The following PID1 variants were observed in gnomAD, a reference collection of about 807,000 sequenced individuals.
PID1 encodes the protein phosphotyrosine interaction domain containing 1, also known as PTB-containing, cubilin and LRP1-interacting protein.
Under a neutral mutation model 19.1 loss-of-function variants are expected in PID1, and 10 were observed. That is an observed-to-expected ratio of 0.52 (90% CI 0.32 to 0.89). PID1 has a LOEUF of 0.89. Ranked by LOEUF, PID1 falls within the 40% of genes least tolerant of loss-of-function variation. The probability of loss-of-function intolerance (pLI) is 0.03; values close to 1 mark genes in which losing one functional copy is unlikely to be tolerated. For synonymous variants in PID1, 130 were observed against 116.0 expected (o/e 1.12, Z -0.78); for missense variants, 248 against 285.3 (o/e 0.87, Z 0.94).
In PID1 at chr2:229,143,363, A is replaced by T. The variant is rs576928833; in HGVS notation, c.177+12455T>A. ...AAGTATAATAATAATAAAATTTTTTAAAAAACTGATATTTTGACCTAATCT... is the reference window on the plus strand; with the variant it reads ...AAGTATAATAATAATAAAATTTTTTTAAAAACTGATATTTTGACCTAATCT... On this transcript the variant is annotated intron_variant, in intron 2 of 2. Coordinates refer to ENST00000392055, the MANE Select transcript of PID1 (RefSeq NM_001100818.2). 3.8e-4 allele frequency among the ~76,000 whole-genome samples: 58 copies of T among 152,250 alleles called. No homozygotes were observed. In the South Asian group the frequency reaches 3.9e-3, roughly 10 times the overall value.
chr2:229,134,322 T>C (rs13000113), intron 2 of PID1, among the ~76,000 whole-genome samples: 117,712 of 147,980 alleles, frequency 0.8, 46,914 homozygotes, highest in East Asian at 1. Flanking sequence ...TCACTGCAAC[T>C]TCTGCCTCCC....
intron 2 of PID1, among the ~76,000 whole-genome samples, chr2:229,046,939 T>C (rs916109582): frequency 1.3e-5 from 2 of 152,182 alleles, no homozygotes; most frequent in African/African-American, 4.8e-5. Flanking sequence ...TGAATCACTC[T>C]CAGTTTATGT....
intron 2 of PID1, among the ~76,000 whole-genome samples, chr2:229,130,348 G>A (rs533615555): frequency 2.6e-5 from 4 of 152,194 alleles, no homozygotes; most frequent in Non-Finnish European, 5.9e-5. Context: ...GAAGCTTGGC[G>A]CAAAGTGATG....
intron 1 of PID1, among the ~76,000 whole-genome samples, chr2:229,250,474 A>T (rs1233965382): frequency 1.3e-5 from 2 of 152,250 alleles, no homozygotes; most frequent in Non-Finnish European, 2.9e-5. Flanking sequence ...AACCACAGGA[A>T]AAAAGCACAA....
intron 1 of PID1, among the ~76,000 whole-genome samples, chr2:229,180,458 G>T (rs1165898984): frequency 6.6e-6 from 1 of 152,140 alleles, no homozygotes; most frequent in African/African-American, 2.4e-5. Flanking sequence ...ATGTAACTAA[G>T]AAAAAGATTT....
intron 2 of PID1, among the ~76,000 whole-genome samples, chr2:229,058,305 G>A (rs551065572): frequency 2.0e-4 from 30 of 152,340 alleles, no homozygotes; most frequent in African/African-American, 6.3e-4. Context: ...CTGAAAAGGA[G>A]AGAAGAGATG....
chr2:229,166,278 G>C (rs1044868709), intron 1 of PID1, among the ~76,000 whole-genome samples: 1 of 152,184 alleles, frequency 6.6e-6, no homozygotes, highest in Non-Finnish European at 1.5e-5. Context: ...TAGTGACTGA[G>C]AGGAGATCAG....
At chr2:229,191,267 C>G (rs1691255314) in intron 1 of PID1, among the ~76,000 whole-genome samples, 1 of 152,092 alleles carries the variant, frequency 6.6e-6, no homozygotes, top group Non-Finnish European at 1.5e-5. Context: ...CGATGGAGAA[C>G]AAGTGGGCTA....
intron 2 of PID1, among the ~76,000 whole-genome samples, chr2:229,136,697 G>C (rs969997500): frequency 1.3e-5 from 2 of 152,100 alleles, no homozygotes; most frequent in African/African-American, 4.8e-5. Context: ...CTATTGACTA[G>C]TTATCCAGAA....
At chr2:229,082,984 C>T (rs1386287155) in intron 2 of PID1, among the ~76,000 whole-genome samples, 12 of 152,040 alleles carry the variant, frequency 7.9e-5, no homozygotes, top group Admixed American at 1.3e-4. Context: ...CATAAATTGA[C>T]GGACATAAAG....
At position 229,208,201 on chromosome 2, in the gene PID1, C is replaced by T. The variant is rs141762115; in HGVS notation, c.31-52237G>A. Among the ~76,000 whole-genome samples, 371 of 152,262 alleles carry T rather than the reference C, an allele frequency of 2.4e-3. 3 individuals carry two copies. Among genetic ancestry groups the T allele is most frequent in the African/African-American group, 8.3e-3 (343 of 41,538 alleles). On this transcript the variant is annotated intron_variant, in intron 1 of 2. Coordinates refer to ENST00000392055, the MANE Select transcript of PID1 (RefSeq NM_001100818.2). ...CAGATCCTAGCTTTCTCTGATACTT[C>T]GTTGCAAAATAGAAGAGCAAGTGCC... is the stretch of plus-strand genomic sequence containing the variant.
rs1280454034 is a variant in PID1 at position 229,024,395 on chromosome 2, T to A, written c.*1237A>T. ...AAATACAATTTCATTCTATGTTGACTCTGTGTTTATAATATTTAAAGAACC... is the reference window on the plus strand; with the variant it reads ...AAATACAATTTCATTCTATGTTGACACTGTGTTTATAATATTTAAAGAACC... On this transcript the variant is annotated 3_prime_UTR_variant, in exon 3 of 3. Transcript: ENST00000392055. 1 of 152,556 alleles carries A rather than the reference T, an allele frequency of 6.6e-6. No individual in the cohort carries two copies. The highest frequency in any genetic ancestry group is 2.4e-5 in the African/African-American group (1 of 41,440). 9.5% of individuals were successfully genotyped at this position (152,556 alleles called of 1,614,324 possible). A position where few individuals can be genotyped will look rare whatever the true frequency, so the allele number is the denominator to read the frequency against.
chr2:229,212,103 CT>C (rs11300786), intron 1 of PID1, among the ~76,000 whole-genome samples: 150,534 of 152,234 alleles, frequency 0.99, 74,440 homozygotes, highest in East Asian at 1. Context: ...AAAGTTAGGT[CT>C]TTATTATGGT....
chr2:229,234,696 T>C (rs1325804958), intron 1 of PID1, among the ~76,000 whole-genome samples: 3 of 152,088 alleles, frequency 2.0e-5, no homozygotes, highest in African/African-American at 7.2e-5. Flanking sequence ...AGGGTGAGAA[T>C]GGGGGGCCAT....
chr2:229,055,303 C>T (rs181475433), intron 2 of PID1, among the ~76,000 whole-genome samples: 24 of 152,322 alleles, frequency 1.6e-4, no homozygotes, highest in Non-Finnish European at 2.6e-4. Flanking sequence ...CAATTTATTT[C>T]AAACACCAGC....
At chr2:229,122,143 G>A (rs900581470) in intron 2 of PID1, among the ~76,000 whole-genome samples, 3 of 152,126 alleles carry the variant, frequency 2.0e-5, no homozygotes, top group African/African-American at 7.2e-5. Flanking sequence ...AATCCTGGTT[G>A]AGGCGAAGAG....
rs889268210 is a variant in PID1 at position 229,262,907 on chromosome 2, T to C, written c.30+8107A>G. Reference sequence around the variant, plus strand: ...TGCAAATCTCTCCTTATAAGGACATTAGTCATTGGCTCTAGGGTTCACCCT... The same window carrying C: ...TGCAAATCTCTCCTTATAAGGACATCAGTCATTGGCTCTAGGGTTCACCCT... On this transcript the variant is annotated intron_variant, in intron 1 of 2. Transcript: ENST00000392055. 2.7e-6 allele frequency: 4 copies of C among 1,491,716 alleles called. No homozygotes were observed. In the African/African-American group the frequency reaches 4.2e-5, roughly 16 times the overall value. The allele number at this position is 1,491,716 out of a possible 1,614,324, so 92.4% of individuals were successfully genotyped here.
intron 1 of PID1, among the ~76,000 whole-genome samples, chr2:229,195,386 T>A (rs1367818769): frequency 2.0e-5 from 3 of 151,676 alleles, no homozygotes; most frequent in Admixed American, 6.6e-5. Context: ...AACACACATG[T>A]ATATACATAT....
intron 2 of PID1, among the ~76,000 whole-genome samples, chr2:229,126,807 T>C (rs1187088124): frequency 6.6e-6 from 1 of 152,212 alleles, no homozygotes; most frequent in African/African-American, 2.4e-5. Flanking sequence ...ACTTGTCTAT[T>C]TCATTGTTTT....
Sources: allele counts gnomAD v4.1 joint callset (sites outside exome capture counted in the v4.1 genomes callset), GRCh38; gene constraint gnomAD v4.1.1; transcripts MANE v1.5; gene names NCBI Gene and HGNC (gene_info 2026-07-23, HGNC 2026-07-21).